TMEFF1: variants seen among roughly 807,000 people sequenced by gnomAD.
TMEFF1 encodes the protein transmembrane protein with EGF like and two follistatin like domains 1.
In TMEFF1, 20 loss-of-function variants were observed where a neutral mutation model predicts 47.5. That is an observed-to-expected ratio of 0.42 (90% CI 0.30 to 0.61). The LOEUF (loss-of-function observed/expected upper bound fraction) is 0.61. Ranked by LOEUF, TMEFF1 falls within the 20% of genes least tolerant of loss-of-function variation. The pLI is 0.19. For synonymous variants in TMEFF1, 162 were observed against 166.3 expected (o/e 0.97, Z 0.20); for missense variants, 411 against 471.1 (o/e 0.87, Z 1.18).
At position 100,511,035 on chromosome 9, in the gene TMEFF1, A is replaced by G. The variant is rs1311503813; in HGVS notation, c.436+1901A>G. ...ATGACGTAGGTTACCTTCCGGAAGC[A>G]GAGGGAAAAGACGAGACCTCTCTTG... On this transcript the variant is annotated intron_variant, in intron 3 of 9. Transcript: ENST00000374879. Among the ~76,000 whole-genome samples the G allele has an allele frequency of 2.0e-5, 3 of 152,206 alleles. No individual in the cohort carries two copies. In the East Asian group the frequency reaches 5.8e-4, roughly 29 times the overall value.
At chr9:100,556,521 G>A (rs1212226026) in intron 7 of TMEFF1, among the ~76,000 whole-genome samples, 1 of 152,088 alleles carries the variant, frequency 6.6e-6, no homozygotes, top group Non-Finnish European at 1.5e-5. Context: ...TAATAGAGGG[G>A]AGAGGGTAAA....
intron 1 of TMEFF1, among the ~76,000 whole-genome samples, chr9:100,493,803 G>C (rs1837601181): frequency 6.6e-6 from 1 of 152,122 alleles, no homozygotes. Flanking sequence ...CAGAATACTT[G>C]AAAACAAAGA....
intron 5 of TMEFF1, among the ~76,000 whole-genome samples, chr9:100,546,191 C>A (rs116325420): frequency 1.3e-5 from 2 of 152,066 alleles, no homozygotes; most frequent in African/African-American, 4.8e-5. Flanking sequence ...AAGATATACC[C>A]GAGACTGGGC....
chr9:100,490,610 C>T (rs1837529694), intron 1 of TMEFF1, among the ~76,000 whole-genome samples: 1 of 151,916 alleles, frequency 6.6e-6, no homozygotes, highest in South Asian at 2.1e-4. Flanking sequence ...AGAACTACCA[C>T]GTGAACTTGG....
intron 4 of TMEFF1, among the ~76,000 whole-genome samples, chr9:100,515,248 G>T (rs943701582): frequency 1.3e-5 from 2 of 152,046 alleles, no homozygotes; most frequent in African/African-American, 2.4e-5. Flanking sequence ...TAAGTGGTTT[G>T]CCCCAGTTAA....
At chr9:100,526,958 A>G (rs1335222679) in intron 5 of TMEFF1, among the ~76,000 whole-genome samples, 1 of 137,566 alleles carries the variant, frequency 7.3e-6, no homozygotes, top group Non-Finnish European at 1.6e-5. Flanking sequence ...AAAAATACAA[A>G]AAAAAAAAAA....
chr9:100,531,499 A>G (rs1838376574), intron 5 of TMEFF1, among the ~76,000 whole-genome samples: 1 of 152,160 alleles, frequency 6.6e-6, no homozygotes, highest in South Asian at 2.1e-4. Flanking sequence ...TGCTTCAAAG[A>G]GAATAAAATA....
At chr9:100,537,939 T>G (rs951818161) in intron 5 of TMEFF1, among the ~76,000 whole-genome samples, 1 of 152,210 alleles carries the variant, frequency 6.6e-6, no homozygotes, top group Non-Finnish European at 1.5e-5. Flanking sequence ...TTTTTCTGTT[T>G]CCTTAATTTT....
chr9:100,483,489 C>G (rs892972587), intron 1 of TMEFF1, among the ~76,000 whole-genome samples: 7 of 133,372 alleles, frequency 5.2e-5, no homozygotes, highest in Non-Finnish European at 1.1e-4. Context: ...AAGAGAGAAA[C>G]AACATCTCAA....
chr9:100,492,561 T>C (rs1201681794), intron 1 of TMEFF1, among the ~76,000 whole-genome samples: 1 of 152,188 alleles, frequency 6.6e-6, no homozygotes, highest in African/African-American at 2.4e-5. Context: ...AATGACACAC[T>C]TTGGTTAATC....
intron 8 of TMEFF1, among the ~76,000 whole-genome samples, chr9:100,567,566 T>C (rs1839147830): frequency 6.6e-6 from 1 of 152,150 alleles, no homozygotes; most frequent in African/African-American, 2.4e-5. Context: ...TCCCAAATGC[T>C]CACCACAGTA....
At chr9:100,503,208 A>T (rs567400565) in intron 2 of TMEFF1, among the ~76,000 whole-genome samples, 1 of 151,764 alleles carries the variant, frequency 6.6e-6, no homozygotes, top group Non-Finnish European at 1.5e-5. Flanking sequence ...ATTTAAATAC[A>T]TTTTAACAGA....
At chr9:100,558,437 G>A (rs911177304) in intron 7 of TMEFF1, among the ~76,000 whole-genome samples, 7 of 151,830 alleles carry the variant, frequency 4.6e-5, no homozygotes, top group Admixed American at 3.9e-4. Flanking sequence ...GGCATTTTTA[G>A]TTTGAAACTG....
chr9:100,540,698 A>G (rs1280369896), intron 5 of TMEFF1, among the ~76,000 whole-genome samples: 1 of 152,202 alleles, frequency 6.6e-6, no homozygotes, highest in Non-Finnish European at 1.5e-5. Context: ...GCAGAGGATG[A>G]GAATTCCCTT....
chr9:100,500,733 A>G (rs943478411), intron 2 of TMEFF1, among the ~76,000 whole-genome samples: 2 of 152,228 alleles, frequency 1.3e-5, no homozygotes, highest in African/African-American at 4.8e-5. Context: ...TCATGTGAGA[A>G]TGGACCATAT....
chr9:100,512,085 A>G (rs911193279), intron 3 of TMEFF1, among the ~76,000 whole-genome samples: 3 of 152,176 alleles, frequency 2.0e-5, no homozygotes, highest in Non-Finnish European at 4.4e-5. Context: ...GGCACATAAT[A>G]TGTAACCAAT....
chr9:100,542,571 A>C (rs1838653786), intron 5 of TMEFF1, among the ~76,000 whole-genome samples: 1 of 152,218 alleles, frequency 6.6e-6, no homozygotes, highest in South Asian at 2.1e-4. Flanking sequence ...CATAGCAGGT[A>C]CTATTTCACT....
chr9:100,493,856 G>A (rs886823916), intron 1 of TMEFF1, among the ~76,000 whole-genome samples: 9 of 152,094 alleles, frequency 5.9e-5, no homozygotes, highest in Admixed American at 1.3e-4. Flanking sequence ...TCTGTATTGG[G>A]TTTAAGCTAA....
At chr9:100,568,594 C>G in intron 8 of TMEFF1, among the ~76,000 whole-genome samples, 1 of 80,740 alleles carries the variant, frequency 1.2e-5, no homozygotes, top group African/African-American at 3.9e-5. Flanking sequence ...TTCCCTCCCT[C>G]TCTTCCTTCC....
Sources: allele counts gnomAD v4.1 joint callset (sites outside exome capture counted in the v4.1 genomes callset), GRCh38; gene constraint gnomAD v4.1.1; transcripts MANE v1.5; gene names NCBI Gene and HGNC (gene_info 2026-07-23, HGNC 2026-07-21).